Variants in JAM3 observed in about 807,000 individuals in gnomAD.
JAM3 encodes the protein junctional adhesion molecule 3.
Under a neutral mutation model 39.4 loss-of-function variants are expected in JAM3, and 31 were observed. The ratio of observed to expected loss-of-function variants is 0.79; its 90% CI spans 0.59 to 1.06. JAM3 has a LOEUF of 1.06. Ranked by LOEUF, JAM3 falls within the 50% of genes least tolerant of loss-of-function variation. The probability of loss-of-function intolerance (pLI) is 0.00; values close to 1 mark genes in which losing one functional copy is unlikely to be tolerated. For synonymous variants in JAM3, 182 were observed against 148.7 expected (o/e 1.22, Z -1.63); for missense variants, 455 against 391.4 (o/e 1.16, Z -1.37).
intron 1 of JAM3, among the ~76,000 whole-genome samples, chr11:134,099,328 G>T (rs1225813363): frequency 6.6e-6 from 1 of 152,204 alleles, no homozygotes. Context: ...CCCAGGAACA[G>T]ATTTCAGAGT....
chr11:134,073,781 TG>T (rs1941520445), intron 1 of JAM3, among the ~76,000 whole-genome samples: 1 of 152,224 alleles, frequency 6.6e-6, no homozygotes, highest in Non-Finnish European at 1.5e-5. Flanking sequence ...TTAATTTTTT[TG>T]TATCTTTCCA....
chr11:134,088,310 A>C lies in JAM3; in HGVS notation c.76+19151A>C, dbSNP rs144575358. ...TGTATTACCCACTTGCTTCCATTTT[A>C]CCACCCCCGAAGCTCTTATCATACC... On this transcript the variant is annotated intron_variant, in intron 1 of 8. Transcript: ENST00000299106. Among the ~76,000 whole-genome samples, 368 of 152,238 alleles carry C rather than the reference A, an allele frequency of 2.4e-3. 3 individuals are homozygous for C. Among genetic ancestry groups the C allele is most frequent in the African/African-American group, 8.5e-3 (354 of 41,552 alleles).
intron 1 of JAM3, among the ~76,000 whole-genome samples, chr11:134,138,170 GGC>G (rs1942904153): frequency 1.5e-5 from 2 of 130,208 alleles, no homozygotes; most frequent in African/African-American, 3.3e-5. Flanking sequence ...AGCCAGTGGT[GGC>G]GTCTCGTCGA....
intron 1 of JAM3, among the ~76,000 whole-genome samples, chr11:134,079,888 G>A (rs1941635455): frequency 6.6e-6 from 1 of 152,194 alleles, no homozygotes; most frequent in Non-Finnish European, 1.5e-5. Flanking sequence ...AAATTTAGGT[G>A]TGTTTTGTAG....
intron 1 of JAM3, among the ~76,000 whole-genome samples, chr11:134,135,507 C>T (rs936059532): frequency 1.3e-5 from 2 of 151,536 alleles, no homozygotes; most frequent in African/African-American, 4.8e-5. Flanking sequence ...AATGTTAGCT[C>T]CATGAGAGCA....
intron 1 of JAM3, among the ~76,000 whole-genome samples, chr11:134,138,780 A>G (rs1565503085): frequency 6.6e-6 from 1 of 152,186 alleles, no homozygotes; most frequent in Non-Finnish European, 1.5e-5. Context: ...TCTGTTTTCC[A>G]TCCCTTTTTA....
At chr11:134,139,580 C>T in intron 1 of JAM3, 1 of 465,416 alleles carries the variant, frequency 2.1e-6, no homozygotes, top group South Asian at 2.1e-5. Context: ...TAGACAAAGG[C>T]TTTAAAGCTC....
At chr11:134,104,568 G>C (rs985991914) in intron 1 of JAM3, among the ~76,000 whole-genome samples, 2 of 152,114 alleles carry the variant, frequency 1.3e-5, no homozygotes, top group African/African-American at 4.8e-5. Flanking sequence ...ATGAATCCAG[G>C]AGCTGGGTTT....
chr11:134,107,341 G>C (rs1340989637), intron 1 of JAM3, among the ~76,000 whole-genome samples: 1 of 152,086 alleles, frequency 6.6e-6, no homozygotes, highest in Non-Finnish European at 1.5e-5. Context: ...GTGGGGTTGG[G>C]AGAGGGGGGA....
In JAM3 at chr11:134,144,962, T is replaced by A. The variant is rs779377799; in HGVS notation, c.580T>A (p.Ser194Thr). ...SRANPRFRNS[S>T]FHLNSETGTL... is the part of the protein sequence containing the mutation. ...AGCCAATCCCAGATTTCGCAATTCT[T>A]CTTTCCACTTAAACTCTGAAACAGG... The change falls in exon 5 of 9, where the codon TCT becomes ACT. Residue 194 changes from serine to threonine, a missense_variant. By Grantham distance (58) the Ser-to-Thr change is moderately conservative. Coordinates refer to ENST00000299106, the MANE Select transcript of JAM3 (RefSeq NM_032801.5). 2 of 1,614,214 alleles carry A rather than the reference T, an allele frequency of 1.2e-6. No homozygotes were observed. Among genetic ancestry groups the A allele is most frequent in the South Asian group, 2.2e-5 (2 of 91,088 alleles).
chr11:134,103,881 A>G (rs1198792060), intron 1 of JAM3, among the ~76,000 whole-genome samples: 1 of 152,206 alleles, frequency 6.6e-6, no homozygotes, highest in African/African-American at 2.4e-5. Context: ...GGACCTACAA[A>G]GAGACTTAGA....
chr11:134,098,353 A>T (rs981111218), intron 1 of JAM3, among the ~76,000 whole-genome samples: 2 of 152,182 alleles, frequency 1.3e-5, no homozygotes, highest in Non-Finnish European at 2.9e-5. Flanking sequence ...CTTTTAATTT[A>T]AAAAAAGCTA....
intron 1 of JAM3, among the ~76,000 whole-genome samples, chr11:134,081,840 A>G (rs1322153104): frequency 6.6e-6 from 1 of 152,258 alleles, no homozygotes; most frequent in Non-Finnish European, 1.5e-5. Context: ...GAAAAGCCAC[A>G]GACACTGAAC....
chr11:134,124,747 C>A (rs147578419), intron 1 of JAM3, among the ~76,000 whole-genome samples: 1 of 152,124 alleles, frequency 6.6e-6, no homozygotes, highest in Non-Finnish European at 1.5e-5. Flanking sequence ...TTTCTGAGGC[C>A]GGTCGGTGTG....
intron 5 of JAM3, chr11:134,145,255 G>T (rs749333262): frequency 1.8e-6 from 1 of 548,972 alleles, no homozygotes; most frequent in Non-Finnish European, 3.3e-6. Context: ...CTAGGGCCCT[G>T]ATCGGATAAT....
At chr11:134,148,372 C>A in intron 6 of JAM3, 175 bp from the exon 7 acceptor site, 2 of 702,334 alleles carry the variant, frequency 2.8e-6, no homozygotes, top group Non-Finnish European at 4.9e-6. Flanking sequence ...GTTATGGTGT[C>A]CTATATGTTC....
At chr11:134,099,795 C>T (rs1036109596) in intron 1 of JAM3, among the ~76,000 whole-genome samples, 2 of 152,034 alleles carry the variant, frequency 1.3e-5, no homozygotes, top group East Asian at 1.9e-4. Flanking sequence ...TTAGTAGAGA[C>T]GGGGTTTCAC....
At chr11:134,122,725 G>A (rs1479096918) in intron 1 of JAM3, among the ~76,000 whole-genome samples, 1 of 152,210 alleles carries the variant, frequency 6.6e-6, no homozygotes, top group Non-Finnish European at 1.5e-5. Flanking sequence ...AACACCACAA[G>A]CATTTCTCAA....
chr11:134,070,182 A>T, intron 1 of JAM3: 1 of 456,256 alleles, frequency 2.2e-6, no homozygotes, highest in Non-Finnish European at 4.4e-6. Flanking sequence ...AGTCAAGTCT[A>T]GTCTGCTTTC....
Sources: allele counts gnomAD v4.1 joint callset (sites outside exome capture counted in the v4.1 genomes callset), GRCh38; gene constraint gnomAD v4.1.1; transcripts MANE v1.5; gene names NCBI Gene and HGNC (gene_info 2026-07-23, HGNC 2026-07-21).